ZNF236: variants seen among roughly 807,000 people sequenced by gnomAD.
ZNF236 encodes zinc finger protein 236, also known as regulated by glucose.
ZNF236 carries 50 observed loss-of-function variants against 191.2 expected under a neutral mutation model. The observed-to-expected ratio is 0.26, with a 90% CI of 0.21 to 0.33. The LOEUF is 0.33. ZNF236 is among the 10% of genes least tolerant of loss of function. ZNF236 has a pLI of 1.00. For synonymous variants in ZNF236, 907 were observed against 928.8 expected, an observed-to-expected ratio of 0.98 and a Z score of 0.43; for missense variants, 1,754 against 2,374.5, an observed-to-expected ratio of 0.74 and a Z score of 5.43.
rs532437663 is a variant in ZNF236 at position 76,960,755 on chromosome 18, G to A, written c.5319G>A (p.Lys1773=). The stretch of plus-strand genomic sequence containing the variant: ...GTGCGCTGCAGGTGCACATGAAGAA[G>A]CACACGGGGGAGCGGCCCTACAAGT... The part of the protein sequence containing the change: ...QKSALQVHMK[K]HTGERPYKCA... Residue 1773 remains lysine (K), a synonymous_variant, in exon 30 of 31, where the codon AAG becomes AAA. Coordinates refer to ENST00000320610, the MANE Select transcript of ZNF236 (RefSeq NM_001306089.2). This position sits in a 1 kb window ranked among gnomAD's most constrained non-coding sequence, Gnocchi z 4.4. The A allele has an allele frequency of 2.3e-5, 37 of 1,614,138 alleles. No individual in the cohort carries two copies. In the East Asian group the frequency reaches 6.0e-4, roughly 26 times the overall value.
chr18:76,829,184 T>G (rs1975093042), intron 1 of ZNF236, among the ~76,000 whole-genome samples: 1 of 152,220 alleles, frequency 6.6e-6, no homozygotes, highest in Non-Finnish European at 1.5e-5. Context: ...TGTACAGAGA[T>G]AGTGCGTCTC....
intron 9 of ZNF236, among the ~76,000 whole-genome samples, chr18:76,888,184 A>C (rs1422710504): frequency 6.6e-6 from 1 of 152,182 alleles, no homozygotes; most frequent in Non-Finnish European, 1.5e-5. Flanking sequence ...ATCCTGGCTA[A>C]AATGGTGTAA....
chr18:76,915,614 T>C, intron 18 of ZNF236, 33 bp from the exon 19 acceptor site: 1 of 1,607,946 alleles, frequency 6.2e-7, no homozygotes, highest in Non-Finnish European at 8.5e-7. Flanking sequence ...ATAGGATTGG[T>C]TCCAGCCGTT....
At position 76,880,437 on chromosome 18, in the gene ZNF236, T is replaced by G; in HGVS notation, c.1188+121T>G. 9.5e-7 allele frequency: 1 copy of G among 1,056,146 alleles called. No individual in the cohort carries two copies. Among genetic ancestry groups the G allele is most frequent in the Non-Finnish European group, 1.3e-6 (1 of 756,768 alleles). 65.4% of individuals were successfully genotyped at this position (1,056,146 alleles called of 1,614,324 possible). A position where few individuals can be genotyped will look rare whatever the true frequency, so the allele number is the denominator to read the frequency against. On this transcript the variant is annotated intron_variant, in intron 8 of 30. Coordinates refer to ENST00000320610, the MANE Select transcript of ZNF236 (RefSeq NM_001306089.2). The surrounding 1 kb of genome is among the most constrained non-coding windows in gnomAD (Gnocchi z 5.0). ...AGTCAGGGTATCCTCATGAAAAATG[T>G]GCCTGAACCGAAAGAAATTAATATG...
intron 3 of ZNF236, among the ~76,000 whole-genome samples, chr18:76,861,104 A>G (rs994163398): frequency 2.0e-5 from 3 of 152,202 alleles, no homozygotes; most frequent in Admixed American, 2.0e-4. Context: ...GCAGAGGGGA[A>G]AAAGGCCTCA....
At chr18:76,871,947 C>A in intron 5 of ZNF236, 122 bp downstream of exon 5, 1 of 1,246,128 alleles carries the variant, frequency 8.0e-7, no homozygotes, top group Non-Finnish European at 1.1e-6. Flanking sequence ...GATAATCTTG[C>A]TGAAATTAGT....
intron 26 of ZNF236, among the ~76,000 whole-genome samples, chr18:76,938,174 G>T (rs1968047004): frequency 6.6e-6 from 1 of 152,152 alleles, no homozygotes; most frequent in African/African-American, 2.4e-5. Context: ...AGGATTGCTT[G>T]AGTGCAGGAG....
Position 76,960,624 on chromosome 18 carries a change from C to G in ZNF236, c.5243-55C>G. ...CTTGTTCATACCTCAGGGTAGAGCCCAGGCATCCACTATACTTTTCTTAGA... is the reference window on the plus strand; with the variant it reads ...CTTGTTCATACCTCAGGGTAGAGCCGAGGCATCCACTATACTTTTCTTAGA... On this transcript the variant is annotated intron_variant, in intron 29 of 30. Transcript: ENST00000320610. This position sits in a 1 kb window ranked among gnomAD's most constrained non-coding sequence, Gnocchi z 4.4. The G allele has an allele frequency of 6.2e-7, 1 of 1,600,854 alleles. No individual in the cohort carries two copies. The highest frequency in any genetic ancestry group is 8.6e-7 in the Non-Finnish European group (1 of 1,168,856).
At chr18:76,870,007 A>G (rs937604569) in intron 4 of ZNF236, among the ~76,000 whole-genome samples, 1 of 152,198 alleles carries the variant, frequency 6.6e-6, no homozygotes, top group African/African-American at 2.4e-5. Context: ...TTTAACTACT[A>G]TATTATCAGT....
In ZNF236 at chr18:76,875,028, A is replaced by C. The variant is rs1436941740; in HGVS notation, c.668-464A>C. ...CTGTTGTTTTGAGAGCAGCCTAGGA[A>C]GGGGCCAGGGTGGAAGCAGTGAGTC... On this transcript the variant is annotated intron_variant, in intron 5 of 30. Coordinates refer to ENST00000320610, the MANE Select transcript of ZNF236 (RefSeq NM_001306089.2). The surrounding 1 kb of genome is among the most constrained non-coding windows in gnomAD (Gnocchi z 4.3). Among the ~76,000 whole-genome samples, 3 of 152,178 alleles carry C rather than the reference A, an allele frequency of 2.0e-5. No individual in the cohort carries two copies. The East Asian group carries it at 5.8e-4, about 29-fold the overall frequency.
At chr18:76,837,505 A>G (rs2122434740) in intron 1 of ZNF236, among the ~76,000 whole-genome samples, 1 of 143,746 alleles carries the variant, frequency 7.0e-6, no homozygotes, top group Non-Finnish European at 1.5e-5. Flanking sequence ...CAGTGGTGGA[A>G]TCTTGGCTCA....
chr18:76,899,962 G>A (rs1977542389), intron 11 of ZNF236, among the ~76,000 whole-genome samples: 1 of 152,130 alleles, frequency 6.6e-6, no homozygotes, highest in South Asian at 2.1e-4. Flanking sequence ...CATAGATAGT[G>A]CCTTCTGGCT....
intron 9 of ZNF236, among the ~76,000 whole-genome samples, chr18:76,892,167 G>GTTTT (rs1286054787): frequency 2.6e-4 from 6 of 22,838 alleles, no homozygotes; most frequent in Non-Finnish European, 3.9e-4. Flanking sequence ...TTTTCTTCTG[G>GTTTT]GTTTTTTTTT....
chr18:76,955,017 G>A (rs1968489508), intron 27 of ZNF236, among the ~76,000 whole-genome samples: 1 of 152,012 alleles, frequency 6.6e-6, no homozygotes, highest in Admixed American at 6.6e-5. Context: ...TGATAAATTA[G>A]GAATAATAAA....
chr18:76,946,154 G>A (rs1968256106), intron 26 of ZNF236, among the ~76,000 whole-genome samples: 1 of 152,192 alleles, frequency 6.6e-6, no homozygotes, highest in Non-Finnish European at 1.5e-5. Flanking sequence ...CTGGTGGGAG[G>A]TAATTCATTC....
At chr18:76,931,028 A>G (rs1254150306) in intron 25 of ZNF236, 1 of 152,236 alleles carries the variant, frequency 6.6e-6, no homozygotes, top group African/African-American at 2.4e-5. Flanking sequence ...GCATCTTAGA[A>G]TGTTGTTTTC....
rs566903402 is a variant in ZNF236 at position 76,866,819 on chromosome 18, C to T, written c.364-1866C>T. ...AACACTTCCTCAAGTGTTGCCAGGG[C>T]GCGCAGGGGGAGGGAGGAGCATCGT... On this transcript the variant is annotated intron_variant, in intron 3 of 30. Transcript: ENST00000320610. 9.2e-5 allele frequency among the ~76,000 whole-genome samples: 14 copies of T among 152,172 alleles called. 1 individual carries two copies. The South Asian group carries it at 2.1e-3, about 23-fold the overall frequency.
In ZNF236 at chr18:76,902,689, A is replaced by G. The variant is rs146444135; in HGVS notation, c.1895-1691A>G. ...CGGGTTCAAGCGATTCTCCTGCCTC[A>G]GCTTCCTGAGTAGCTAGGACTACAG... On this transcript the variant is annotated intron_variant, in intron 11 of 30. Coordinates refer to ENST00000320610, the MANE Select transcript of ZNF236 (RefSeq NM_001306089.2). Among the ~76,000 whole-genome samples, 19 of 152,064 alleles carry G rather than the reference A, an allele frequency of 1.2e-4. No homozygotes were observed. In the East Asian group the frequency reaches 3.7e-3, roughly 29 times the overall value.
At chr18:76,840,118 C>T (rs992503696) in intron 1 of ZNF236, among the ~76,000 whole-genome samples, 3 of 152,004 alleles carry the variant, frequency 2.0e-5, no homozygotes, top group Non-Finnish European at 4.4e-5. Flanking sequence ...TACATTTACC[C>T]AAGTTTACAG....
Sources: allele counts gnomAD v4.1 joint callset (sites outside exome capture counted in the v4.1 genomes callset), GRCh38; gene constraint gnomAD v4.1.1; non-coding constraint Gnocchi (gnomAD v3.1); transcripts MANE v1.5; gene names NCBI Gene and HGNC (gene_info 2026-07-23, HGNC 2026-07-21).